EMID1: variants seen among roughly 807,000 people sequenced by gnomAD.
The protein encoded by EMID1 is EMI domain-containing protein 1.
Under a neutral mutation model 60.6 loss-of-function variants are expected in EMID1, and 40 were observed. The ratio of observed to expected loss-of-function variants is 0.66; its 90% confidence interval spans 0.51 to 0.86. The LOEUF (loss-of-function observed/expected upper bound fraction) is 0.86. Ranked by LOEUF, EMID1 falls within the 40% of genes least tolerant of loss-of-function variation. EMID1 has a pLI of 0.00. For synonymous variants in EMID1, 242 were observed against 231.0 expected (o/e 1.05, Z -0.43); for missense variants, 585 against 597.1 (o/e 0.98, Z 0.21).
chr22:29,249,351 C>T (rs1836153175), intron 13 of EMID1, among the ~76,000 whole-genome samples: 1 of 152,102 alleles, frequency 6.6e-6, no homozygotes, highest in Admixed American at 6.6e-5. Context: ...ACTACAACCT[C>T]CGCCTTCCAG....
intron 5 of EMID1, among the ~76,000 whole-genome samples, chr22:29,226,812 C>T (rs2040530573): frequency 6.6e-6 from 1 of 152,138 alleles, no homozygotes; most frequent in East Asian, 1.9e-4. Context: ...TACTAGCATC[C>T]ACTCAGGGAA....
intron 3 of EMID1, chr22:29,216,752 T>C (rs1266426104): frequency 1.3e-6 from 1 of 747,250 alleles, no homozygotes; most frequent in East Asian, 1.3e-4. Context: ...CACACGGCCA[T>C]GGGGATGGGG....
At chr22:29,247,811 AG>A in intron 13 of EMID1, among the ~76,000 whole-genome samples, 1 of 151,576 alleles carries the variant, frequency 6.6e-6, no homozygotes, top group Non-Finnish European at 1.5e-5. Context: ...TTGTATTTTT[AG>A]TAGAGACGGG....
At position 29,226,485 on chromosome 22, in the gene EMID1, C is replaced by T. The variant is rs781135072; in HGVS notation, c.404-5C>T. On this transcript the variant is annotated splice_region_variant and splice_polypyrimidine_tract_variant and intron_variant, in intron 4 of 14. Coordinates refer to ENST00000334018, the MANE Select transcript of EMID1 (RefSeq NM_133455.4). ...CCCTGGCCCCAGCTTCCTCCCTCCCCGCAGGTTGTCTCAACTGCAGCAAAG... is the reference window on the plus strand; with the variant it reads ...CCCTGGCCCCAGCTTCCTCCCTCCCTGCAGGTTGTCTCAACTGCAGCAAAG... 7.4e-6 allele frequency: 12 copies of T among 1,611,440 alleles called. No homozygotes were observed. Among genetic ancestry groups the T allele is most frequent in the African/African-American group, 5.3e-5 (4 of 74,866 alleles).
chr22:29,216,664 C>G, intron 3 of EMID1: 1 of 985,312 alleles, frequency 1.0e-6, no homozygotes, highest in African/African-American at 1.7e-5. Context: ...GCACACTTCA[C>G]CTCCCGGGGA....
At chr22:29,257,407 A>G (rs2041740345) in intron 14 of EMID1, among the ~76,000 whole-genome samples, 1 of 152,204 alleles carries the variant, frequency 6.6e-6, no homozygotes, top group Non-Finnish European at 1.5e-5. Context: ...TAAACTTGCT[A>G]GGTGAGCGAT....
chr22:29,258,793 C>A (rs200548597), intron 14 of EMID1, 24 bp from the exon 15 acceptor site: 24 of 1,612,412 alleles, frequency 1.5e-5, no homozygotes, highest in Middle Eastern at 3.3e-4. Flanking sequence ...CTAATGTGGC[C>A]TCTCTCCTTC....
At chr22:29,223,963 C>T (rs1248018101) in intron 3 of EMID1, among the ~76,000 whole-genome samples, 1 of 152,254 alleles carries the variant, frequency 6.6e-6, no homozygotes, top group Non-Finnish European at 1.5e-5. Flanking sequence ...GCATGGTTCA[C>T]AGTGATGTCT....
chr22:29,216,584 T>G, intron 3 of EMID1: 1 of 985,388 alleles, frequency 1.0e-6, no homozygotes, highest in Non-Finnish European at 1.2e-6. Flanking sequence ...TGTGCGAAAA[T>G]GTAGCCTCTG....
rs544792528 is a variant in EMID1, at chr22:29,251,362, G to A, written c.1120-2841G>A. Among the ~76,000 whole-genome samples the A allele has an allele frequency of 1.3e-5, 2 of 149,050 alleles. 1 individual carries two copies. Among genetic ancestry groups the A allele is most frequent in the African/African-American group, 4.9e-5 (2 of 40,574 alleles). On this transcript the variant is annotated intron_variant, in intron 13 of 14. Transcript: ENST00000334018. ...CTCCCAGGGTGCTGGGATTACAGAC[G>A]TGAGCCACTGCATCTGGCCATTTTT...
intron 3 of EMID1, among the ~76,000 whole-genome samples, chr22:29,221,841 T>C (rs1387937044): frequency 6.6e-6 from 1 of 152,264 alleles, no homozygotes; most frequent in Non-Finnish European, 1.5e-5. Flanking sequence ...TTTGTGAATC[T>C]TGAATCCAAA....
At chr22:29,255,270 G>A (rs1480715379) in intron 14 of EMID1, 1 of 1,363,056 alleles carries the variant, frequency 7.3e-7, no homozygotes, top group East Asian at 3.5e-5. Flanking sequence ...TCTCCCATCA[G>A]GCTCCTAGCT....
At chr22:29,220,289 G>A (rs547985044) in intron 3 of EMID1, among the ~76,000 whole-genome samples, 2 of 152,176 alleles carry the variant, frequency 1.3e-5, no homozygotes, top group African/African-American at 4.8e-5. Flanking sequence ...GCCTGGCACG[G>A]GCCATGTATA....
At chr22:29,217,077 G>A (rs1185538029) in intron 3 of EMID1, among the ~76,000 whole-genome samples, 2 of 152,224 alleles carry the variant, frequency 1.3e-5, no homozygotes, top group East Asian at 3.9e-4. Flanking sequence ...AGCTGTGGAG[G>A]GGAGGGCCGA....
chr22:29,209,510 G>A (rs576414185), intron 1 of EMID1, among the ~76,000 whole-genome samples: 1 of 151,840 alleles, frequency 6.6e-6, no homozygotes, highest in Admixed American at 6.5e-5. Context: ...TGGAAACCTC[G>A]GGTCCCAGCT....
At chr22:29,225,379 C>A (rs2040465761) in intron 4 of EMID1, among the ~76,000 whole-genome samples, 163 bp downstream of exon 4, 1 of 152,212 alleles carries the variant, frequency 6.6e-6, no homozygotes, top group Admixed American at 6.5e-5. Flanking sequence ...ACAAAAGTTG[C>A]TTCAAGGGGC....
chr22:29,225,149 C>T lies in EMID1; in HGVS notation c.336C>T (p.Ala112=), dbSNP rs770729439. 8 of 1,613,996 alleles carry T rather than the reference C, an allele frequency of 5.0e-6. No individual in the cohort carries two copies. Among genetic ancestry groups the T allele is most frequent in the Non-Finnish European group, 6.8e-6 (8 of 1,180,004 alleles). Residue 112 remains alanine (A), a synonymous_variant, in exon 4 of 15, where the codon GCC becomes GCT. Transcript: ENST00000334018. ...VSCEEVAASS[A]SLEPMWSGST... ...ATCCCTTAGTTGCAGCTTCCTCTGC[C>T]TCCTTGGAGCCCATGTGGTCGGGCA...
At chr22:29,253,921 T>G (rs2041611439) in intron 13 of EMID1, 1 of 985,338 alleles carries the variant, frequency 1.0e-6, no homozygotes, top group Non-Finnish European at 1.2e-6. Context: ...TGGCTCCCCC[T>G]GCCTTCAGCG....
At position 29,234,448 on chromosome 22, in the gene EMID1, C is replaced by G. The variant is rs1208932459; in HGVS notation, c.1074+99C>G. The G allele has an allele frequency of 2.9e-6, 4 of 1,366,514 alleles. No homozygotes were observed. The East Asian group carries it at 9.9e-5, about 34-fold the overall frequency. The allele number at this position is 1,366,514 out of a possible 1,614,324, so 84.6% of individuals were successfully genotyped here. On this transcript the variant is annotated intron_variant, in intron 12 of 14. Coordinates refer to ENST00000334018, the MANE Select transcript of EMID1 (RefSeq NM_133455.4). ...CCCTGCAACCAGAGCTTCTAACCCT[C>G]CCTGTCTTGTCATTTATTTTCAGAT...
Sources: allele counts gnomAD v4.1 joint callset (sites outside exome capture counted in the v4.1 genomes callset), GRCh38; gene constraint gnomAD v4.1.1; transcripts MANE v1.5; gene names NCBI Gene and HGNC (gene_info 2026-07-23, HGNC 2026-07-21).